Variants in COMMD10 observed in about 807,000 individuals in gnomAD.
The protein encoded by COMMD10 is COMM domain-containing protein 10.
A neutral mutation model predicts 28.9 loss-of-function variants in COMMD10; 33 were observed. The observed-to-expected ratio is 1.14, with a 90% CI of 0.87 to 1.53. The LOEUF is 1.53. Ranked by LOEUF, COMMD10 falls within the 40% of genes most tolerant of loss-of-function variation. COMMD10 has a pLI of 0.00. For missense variants in COMMD10, 310 were observed against 233.4 expected (o/e 1.33, Z -2.14); for synonymous variants, 110 against 81.7 (o/e 1.35, Z -1.87).
At chr5:116,140,006 T>G (rs757814257) in intron 5 of COMMD10, among the ~76,000 whole-genome samples, 23 of 151,900 alleles carry the variant, frequency 1.5e-4, no homozygotes, top group Middle Eastern at 3.4e-3. Context: ...CCTACATAAC[T>G]GCAAGTTTAT....
chr5:116,292,647 C>T lies in COMMD10; in HGVS notation c.*158C>T, dbSNP rs1051707191. On this transcript the variant is annotated 3_prime_UTR_variant, in exon 7 of 7. Transcript: ENST00000274458. Reference sequence around the variant, plus strand: ...TAGACAAATAACAACCAATAGAGATCATTGTTAAGAATACTGAGGTTCTAA... The same window carrying T: ...TAGACAAATAACAACCAATAGAGATTATTGTTAAGAATACTGAGGTTCTAA... The T allele has an allele frequency of 2.0e-6, 1 of 490,038 alleles. No homozygotes were observed. The highest frequency in any genetic ancestry group is 2.0e-5 in the African/African-American group (1 of 51,046). The allele number at this position is 490,038 out of a possible 1,614,324, so 30.4% of individuals were successfully genotyped here.
intron 5 of COMMD10, among the ~76,000 whole-genome samples, chr5:116,274,799 C>T (rs959282677): frequency 6.6e-6 from 1 of 151,588 alleles, no homozygotes; most frequent in African/African-American, 2.4e-5. Flanking sequence ...ATTGGTGTGC[C>T]TTAAGGATTT....
At chr5:116,220,699 G>A (rs1749227248) in intron 5 of COMMD10, among the ~76,000 whole-genome samples, 1 of 152,096 alleles carries the variant, frequency 6.6e-6, no homozygotes. Flanking sequence ...ATCATCAACT[G>A]AAAAATTATG....
At chr5:116,233,561 C>G (rs1373225279) in intron 5 of COMMD10, among the ~76,000 whole-genome samples, 3 of 152,066 alleles carry the variant, frequency 2.0e-5, no homozygotes, top group African/African-American at 7.2e-5. Flanking sequence ...TACATAGAAG[C>G]TATGAAGGGG....
At chr5:116,194,713 C>G (rs1748464151) in intron 5 of COMMD10, among the ~76,000 whole-genome samples, 1 of 152,120 alleles carries the variant, frequency 6.6e-6, no homozygotes, top group Admixed American at 6.5e-5. Flanking sequence ...CAGGACCAGA[C>G]AGATTCACAG....
intron 5 of COMMD10, among the ~76,000 whole-genome samples, chr5:116,202,360 CTT>C (rs1196585093): frequency 6.6e-6 from 1 of 151,830 alleles, no homozygotes; most frequent in Non-Finnish European, 1.5e-5. Context: ...GTGCATGTGT[CTT>C]TATAGCAGCA....
chr5:116,202,904 G>A (rs1336145573), intron 5 of COMMD10, among the ~76,000 whole-genome samples: 15 of 152,096 alleles, frequency 9.9e-5, no homozygotes. Flanking sequence ...AATCCCATTT[G>A]TCAATTTTGG....
chr5:116,201,493 G>A (rs1366004696), intron 5 of COMMD10, among the ~76,000 whole-genome samples: 1 of 152,052 alleles, frequency 6.6e-6, no homozygotes, highest in African/African-American at 2.4e-5. Flanking sequence ...CTACTTCTGG[G>A]TTTCTACTCC....
In COMMD10 at chr5:116,183,101, G is replaced by A. The variant is rs554886124; in HGVS notation, c.510+48923G>A. Among the ~76,000 whole-genome samples, 6 of 152,180 alleles carry A rather than the reference G, an allele frequency of 3.9e-5. No homozygotes were observed. In the East Asian group the frequency reaches 1.2e-3, roughly 29 times the overall value. ...ACCCAGTCTTCGGTATTTCTTCATA[G>A]CAATGTGAGAACAGACTAATATAAT... On this transcript the variant is annotated intron_variant, in intron 5 of 6. Transcript: ENST00000274458.
In COMMD10 at chr5:116,137,614, A is replaced by G. The variant is rs114455920; in HGVS notation, c.510+3436A>G. Among the ~76,000 whole-genome samples the G allele has an allele frequency of 2.5e-3, 376 of 152,084 alleles. 2 individuals carry two copies. Among genetic ancestry groups the G allele is most frequent in the African/African-American group, 8.8e-3 (365 of 41,532 alleles). On this transcript the variant is annotated intron_variant, in intron 5 of 6. Coordinates refer to ENST00000274458, the MANE Select transcript of COMMD10 (RefSeq NM_016144.4). The stretch of plus-strand genomic sequence containing the variant: ...ATTTACTTTTGAGCTGTTGTACTGA[A>G]AACTTACTGTAATTCACTGAAGAGT...
chr5:116,170,926 G>A (rs1031755680), intron 5 of COMMD10, among the ~76,000 whole-genome samples: 28 of 152,196 alleles, frequency 1.8e-4, no homozygotes, highest in East Asian at 1.4e-3. Flanking sequence ...ATAGGCATGG[G>A]CCAAGATTTC....
At chr5:116,115,573 G>A (rs988127605) in intron 4 of COMMD10, among the ~76,000 whole-genome samples, 5 of 152,096 alleles carry the variant, frequency 3.3e-5, no homozygotes, top group Non-Finnish European at 5.9e-5. Flanking sequence ...TCTTCTAACA[G>A]GGTTTTCTGT....
At chr5:116,090,691 C>T (rs538993606) in intron 2 of COMMD10, among the ~76,000 whole-genome samples, 15 of 152,198 alleles carry the variant, frequency 9.9e-5, no homozygotes, top group Non-Finnish European at 2.2e-4. Flanking sequence ...GACTGCTGAT[C>T]ATGAAATGAA....
At chr5:116,263,748 G>A (rs942571526) in intron 5 of COMMD10, among the ~76,000 whole-genome samples, 9 of 151,726 alleles carry the variant, frequency 5.9e-5, no homozygotes, top group African/African-American at 2.2e-4. Flanking sequence ...TAGCCTGGAA[G>A]CTCCCCGCGC....
chr5:116,277,115 C>A (rs1039180071), intron 5 of COMMD10, among the ~76,000 whole-genome samples: 6 of 151,748 alleles, frequency 4.0e-5, no homozygotes, highest in Admixed American at 1.3e-4. Flanking sequence ...ATGAAAAAAA[C>A]CCATGTTCCA....
chr5:116,252,039 C>G (rs1338665735), intron 5 of COMMD10, among the ~76,000 whole-genome samples: 18 of 149,558 alleles, frequency 1.2e-4, no homozygotes, highest in Admixed American at 2.0e-4. Flanking sequence ...TTGCATTTGT[C>G]TGATGGCCAG....
At chr5:116,271,591 G>A (rs1561402616) in intron 5 of COMMD10, among the ~76,000 whole-genome samples, 1 of 151,658 alleles carries the variant, frequency 6.6e-6, no homozygotes, top group Non-Finnish European at 1.5e-5. Flanking sequence ...CTACCAGTAT[G>A]GAAGATCAAC....
At chr5:116,260,037 C>A (rs566265678) in intron 5 of COMMD10, among the ~76,000 whole-genome samples, 1 of 151,660 alleles carries the variant, frequency 6.6e-6, no homozygotes, top group African/African-American at 2.4e-5. Flanking sequence ...GTATTATTTT[C>A]CTGCACTATC....
intron 5 of COMMD10, among the ~76,000 whole-genome samples, chr5:116,231,044 G>A (rs1749516242): frequency 6.6e-6 from 1 of 152,146 alleles, no homozygotes; most frequent in African/African-American, 2.4e-5. Flanking sequence ...CTGCCTTGGA[G>A]TGGTTCAAAC....
Sources: allele counts gnomAD v4.1 joint callset (sites outside exome capture counted in the v4.1 genomes callset), GRCh38; gene constraint gnomAD v4.1.1; transcripts MANE v1.5; gene names NCBI Gene and HGNC (gene_info 2026-07-23, HGNC 2026-07-21).